The following LRRC8D variants were observed in gnomAD, a reference collection of about 807,000 sequenced individuals.
The protein encoded by LRRC8D is volume-regulated anion channel subunit LRRC8D.
In LRRC8D, 20 loss-of-function variants were observed where a neutral mutation model predicts 55.8. The observed-to-expected ratio is 0.36, with a 90% CI of 0.25 to 0.52. The LOEUF (loss-of-function observed/expected upper bound fraction) is 0.52. LRRC8D is among the 20% of genes least tolerant of loss of function. The pLI, the probability that LRRC8D is intolerant of heterozygous loss-of-function variation, is 0.93. For missense variants in LRRC8D, 651 were observed against 1,030.8 expected, an observed-to-expected ratio of 0.63 and a Z score of 5.05; for synonymous variants, 352 against 377.0, an observed-to-expected ratio of 0.93 and a Z score of 0.77.
chr1:89,883,949 G>T (rs1407929405), intron 2 of LRRC8D, among the ~76,000 whole-genome samples: 2 of 152,170 alleles, frequency 1.3e-5, no homozygotes, highest in Admixed American at 1.3e-4. Context: ...ATCCAACTCA[G>T]GAAGGTCATC....
At chr1:89,840,467 T>C (rs1661107129) in intron 1 of LRRC8D, among the ~76,000 whole-genome samples, 1 of 152,212 alleles carries the variant, frequency 6.6e-6, no homozygotes, top group South Asian at 2.1e-4. Flanking sequence ...TTTGGGTTTA[T>C]AGGGAGCCTA....
intron 2 of LRRC8D, among the ~76,000 whole-genome samples, chr1:89,917,983 T>C (rs1663316589): frequency 6.6e-6 from 1 of 152,220 alleles, no homozygotes; most frequent in Non-Finnish European, 1.5e-5. Flanking sequence ...GAAATATGTC[T>C]GAATTTACTC....
In LRRC8D at chr1:89,916,931, TC is replaced by T. The variant is rs201306334; in HGVS notation, c.-2-16134del. Among the ~76,000 whole-genome samples the T allele has an allele frequency of 6.6e-4, 100 of 152,318 alleles. No homozygotes were observed. In the East Asian group the frequency reaches 0.013, roughly 19 times the overall value. On this transcript the variant is annotated intron_variant, in intron 2 of 2. Coordinates refer to ENST00000337338, the MANE Select transcript of LRRC8D (RefSeq NM_001134479.2). ...TACCTTGTCACAGTGGGGTTTTATTTCCATTTCATTGATAAGGAAAATGAAG... is the reference window on the plus strand; with the variant it reads ...TACCTTGTCACAGTGGGGTTTTATTTCATTTCATTGATAAGGAAAATGAAG...
chr1:89,843,454 C>A, intron 1 of LRRC8D, 184 bp from the exon 2 acceptor site: 1 of 415,260 alleles, frequency 2.4e-6, no homozygotes, highest in Non-Finnish European at 4.3e-6. Context: ...CGCGCCACCT[C>A]GGCACCACGC....
At chr1:89,928,553 C>T (rs1557488116) in intron 2 of LRRC8D, among the ~76,000 whole-genome samples, 1 of 152,130 alleles carries the variant, frequency 6.6e-6, no homozygotes, top group African/African-American at 2.4e-5. Flanking sequence ...AAGAGAGGAG[C>T]TCATCTGAGG....
chr1:89,890,496 A>T (rs1313441925), intron 2 of LRRC8D, among the ~76,000 whole-genome samples: 2 of 152,182 alleles, frequency 1.3e-5, no homozygotes, highest in African/African-American at 4.8e-5. Context: ...GAGGCTCAAT[A>T]TGTAGAATTC....
intron 1 of LRRC8D, among the ~76,000 whole-genome samples, chr1:89,825,662 G>C (rs1660745200): frequency 6.6e-6 from 1 of 152,156 alleles, no homozygotes; most frequent in South Asian, 2.1e-4. Context: ...CTTTTTCTCA[G>C]AGCTTGGCTT....
chr1:89,892,417 T>G (rs1320565397), intron 2 of LRRC8D, among the ~76,000 whole-genome samples: 1 of 152,224 alleles, frequency 6.6e-6, no homozygotes, highest in Non-Finnish European at 1.5e-5. Flanking sequence ...GATAACAGTG[T>G]GGGATAAGGT....
At chr1:89,853,791 C>A (rs1269918925) in intron 2 of LRRC8D, among the ~76,000 whole-genome samples, 3 of 152,118 alleles carry the variant, frequency 2.0e-5, no homozygotes, top group Non-Finnish European at 4.4e-5. Context: ...AAGCCTAACA[C>A]TGGATTGTCA....
chr1:89,870,440 C>T (rs555616526), intron 2 of LRRC8D, among the ~76,000 whole-genome samples: 166 of 151,950 alleles, frequency 1.1e-3, no homozygotes, highest in Admixed American at 1.6e-3. Context: ...CGTGTCACTG[C>T]ACTCTAGCCT....
intron 1 of LRRC8D, among the ~76,000 whole-genome samples, chr1:89,825,330 GA>G (rs1456434728): frequency 6.6e-6 from 1 of 152,198 alleles, no homozygotes; most frequent in Non-Finnish European, 1.5e-5. Context: ...TTTAGCTCTT[GA>G]AATGTTTGCA....
At chr1:89,878,704 G>A (rs1425931319) in intron 2 of LRRC8D, among the ~76,000 whole-genome samples, 3 of 152,162 alleles carry the variant, frequency 2.0e-5, no homozygotes, top group Admixed American at 6.5e-5. Context: ...AGTGTCTCAC[G>A]CCTGTAATCC....
At chr1:89,845,296 A>G (rs1478016972) in intron 2 of LRRC8D, among the ~76,000 whole-genome samples, 2 of 152,216 alleles carry the variant, frequency 1.3e-5, no homozygotes, top group African/African-American at 4.8e-5. Context: ...TAAGTAGCCA[A>G]AATGCACTAT....
rs1413636401 is a variant in LRRC8D at position 89,922,253 on chromosome 1, C to T, written c.-2-10814C>T. Among the ~76,000 whole-genome samples the T allele has an allele frequency of 2.0e-5, 3 of 151,522 alleles. No homozygotes were observed. The East Asian group carries it at 5.9e-4, about 30-fold the overall frequency. ...TAATTTTTTGTATTTTTACTAGAGA[C>T]CGGGTTTCATCATGTTGGCCAGGCT... On this transcript the variant is annotated intron_variant, in intron 2 of 2. Transcript: ENST00000337338.
intron 2 of LRRC8D, among the ~76,000 whole-genome samples, chr1:89,866,363 G>C (rs923606561): frequency 6.6e-6 from 1 of 152,196 alleles, no homozygotes; most frequent in Non-Finnish European, 1.5e-5. Flanking sequence ...TGCTAAGGGG[G>C]TCATTCGGAT....
intron 1 of LRRC8D, among the ~76,000 whole-genome samples, chr1:89,831,866 A>C (rs2100710825): frequency 6.6e-6 from 1 of 152,344 alleles, no homozygotes; most frequent in South Asian, 2.1e-4. Context: ...TGGCTATGTT[A>C]GAGTACAAAG....
At chr1:89,887,699 T>C (rs1662458143) in intron 2 of LRRC8D, among the ~76,000 whole-genome samples, 1 of 152,238 alleles carries the variant, frequency 6.6e-6, no homozygotes, top group Non-Finnish European at 1.5e-5. Context: ...TTAAGGTGTT[T>C]TCATTGCTAA....
Position 89,911,827 on chromosome 1 carries a change from C to T in LRRC8D, c.-2-21240C>T, listed in dbSNP as rs1399305333. Among the ~76,000 whole-genome samples the T allele has an allele frequency of 2.0e-5, 3 of 152,216 alleles. No individual in the cohort carries two copies. Among genetic ancestry groups the T allele is most frequent in the Admixed American group, 6.5e-5 (1 of 15,276 alleles). On this transcript the variant is annotated intron_variant, in intron 2 of 2. Transcript: ENST00000337338. This position sits in a 1 kb window ranked among gnomAD's most constrained non-coding sequence, Gnocchi z 4.0. ...GACACCTGCAATGCTGCTTACCACT[C>T]TCTTCCTGAAGGGGTTGCCTCTTTT...
At chr1:89,826,413 C>T (rs952577875) in intron 1 of LRRC8D, among the ~76,000 whole-genome samples, 9 of 152,024 alleles carry the variant, frequency 5.9e-5, no homozygotes, top group Non-Finnish European at 2.9e-5. Context: ...TACAGGCACC[C>T]GCCACTGCAC....
Sources: gnomAD v4.1 joint callset for allele counts (sites outside exome capture counted in the v4.1 genomes callset) on GRCh38, gnomAD v4.1.1 for gene constraint, Gnocchi (gnomAD v3.1) non-coding constraint, MANE v1.5 for transcripts, NCBI Gene and HGNC (gene_info 2026-07-23, HGNC 2026-07-21) for gene names.